The following SDCCAG8 variants were observed in gnomAD, a reference collection of about 807,000 sequenced individuals.
SDCCAG8 encodes the protein serologically defined colon cancer antigen 8.
SDCCAG8 carries 74 observed loss-of-function variants against 101.8 expected under a neutral mutation model. The ratio of observed to expected loss-of-function variants is 0.73; its 90% CI spans 0.60 to 0.88. The LOEUF is 0.88. SDCCAG8 is among the 40% of genes least tolerant of loss of function. The probability of loss-of-function intolerance (pLI) is 0.00; values close to 1 mark genes in which losing one functional copy is unlikely to be tolerated. For synonymous variants in SDCCAG8, 281 were observed against 292.9 expected (o/e 0.96, Z 0.41); for missense variants, 787 against 822.6 (o/e 0.96, Z 0.53).
At chr1:243,270,879 T>C in intron 2 of SDCCAG8, 99 bp from the exon 3 acceptor site, 1 of 855,456 alleles carries the variant, frequency 1.2e-6, no homozygotes, top group Non-Finnish European at 2.0e-6. Context: ...TCTTGATGCA[T>C]AATATATCAG....
chr1:243,347,536 A>C (rs1487611127), intron 12 of SDCCAG8, among the ~76,000 whole-genome samples: 2 of 152,200 alleles, frequency 1.3e-5, no homozygotes, highest in East Asian at 3.8e-4. Context: ...TTTGTACATA[A>C]TGTTTTGATT....
At chr1:243,420,929 A>G (rs1421297784) in intron 15 of SDCCAG8, among the ~76,000 whole-genome samples, 1 of 152,224 alleles carries the variant, frequency 6.6e-6, no homozygotes, top group African/African-American at 2.4e-5. Flanking sequence ...TTATTAATGT[A>G]GTAAACTCTG....
At chr1:243,464,354 T>C (rs910952241) in intron 16 of SDCCAG8, among the ~76,000 whole-genome samples, 15 of 152,186 alleles carry the variant, frequency 9.9e-5, no homozygotes, top group African/African-American at 3.1e-4. Context: ...GGTAATTCTG[T>C]CTAGTATTCA....
At chr1:243,304,100 C>T (rs1463527103) in intron 6 of SDCCAG8, among the ~76,000 whole-genome samples, 1 of 151,974 alleles carries the variant, frequency 6.6e-6, no homozygotes, top group Non-Finnish European at 1.5e-5. Context: ...ACATGGATTT[C>T]CAACTGTACA....
chr1:243,460,736 A>C (rs780453757), intron 16 of SDCCAG8, among the ~76,000 whole-genome samples: 1 of 152,184 alleles, frequency 6.6e-6, no homozygotes, highest in Non-Finnish European at 1.5e-5. Context: ...GGCCACACCA[A>C]TAAGTCCCCA....
chr1:243,261,991 G>A (rs1242817522), intron 1 of SDCCAG8, among the ~76,000 whole-genome samples: 1 of 149,256 alleles, frequency 6.7e-6, no homozygotes, highest in Non-Finnish European at 1.5e-5. Context: ...TGTATTTTTA[G>A]TAGAGACGGG....
At chr1:243,384,845 C>G (rs1343073728) in intron 13 of SDCCAG8, among the ~76,000 whole-genome samples, 1 of 152,176 alleles carries the variant, frequency 6.6e-6, no homozygotes, top group Non-Finnish European at 1.5e-5. Flanking sequence ...CACGTCTAGC[C>G]TAGCATGTAT....
chr1:243,460,188 G>C (rs1325935295), intron 16 of SDCCAG8, among the ~76,000 whole-genome samples: 1 of 152,098 alleles, frequency 6.6e-6, no homozygotes, highest in Non-Finnish European at 1.5e-5. Context: ...AATTTATCAG[G>C]TGTTAATAAT....
At chr1:243,466,681 A>C (rs1660203155) in intron 16 of SDCCAG8, among the ~76,000 whole-genome samples, 1 of 152,260 alleles carries the variant, frequency 6.6e-6, no homozygotes, top group African/African-American at 2.4e-5. Flanking sequence ...CCAGCACAGG[A>C]AGCAGCCTGT....
chr1:243,354,774 G>T (rs1484079526), intron 12 of SDCCAG8, among the ~76,000 whole-genome samples: 1 of 152,196 alleles, frequency 6.6e-6, no homozygotes, highest in Non-Finnish European at 1.5e-5. Context: ...GGTAGTTCTG[G>T]ACACAGATGA....
chr1:243,278,656 T>C (rs1437907408), intron 4 of SDCCAG8, among the ~76,000 whole-genome samples: 1 of 152,222 alleles, frequency 6.6e-6, no homozygotes, highest in Non-Finnish European at 1.5e-5. Flanking sequence ...CACTTATTAG[T>C]TCCAGCATTT....
chr1:243,436,243 G>A (rs934002802), intron 16 of SDCCAG8, among the ~76,000 whole-genome samples: 2 of 151,830 alleles, frequency 1.3e-5, no homozygotes, highest in African/African-American at 4.8e-5. Flanking sequence ...AGCATGGAAG[G>A]GGTCCCGAGC....
intron 16 of SDCCAG8, among the ~76,000 whole-genome samples, chr1:243,447,148 G>T (rs910347737): frequency 4.0e-5 from 6 of 150,518 alleles, no homozygotes; most frequent in African/African-American, 1.5e-4. Context: ...CTACTCCAGA[G>T]GCTGACAGGA....
intron 16 of SDCCAG8, among the ~76,000 whole-genome samples, chr1:243,480,910 G>A (rs1663618448): frequency 6.8e-6 from 1 of 147,744 alleles, no homozygotes. Flanking sequence ...GGATGGGATG[G>A]GATGGGAGAG....
At chr1:243,375,953 G>T (rs922617965) in intron 12 of SDCCAG8, among the ~76,000 whole-genome samples, 7 of 152,144 alleles carry the variant, frequency 4.6e-5, no homozygotes, top group Admixed American at 2.6e-4. Flanking sequence ...GCACCAATAA[G>T]CTCTTTCACT....
At chr1:243,409,984 G>A (rs1408398824) in intron 13 of SDCCAG8, among the ~76,000 whole-genome samples, 1 of 152,152 alleles carries the variant, frequency 6.6e-6, no homozygotes, top group Non-Finnish European at 1.5e-5. Context: ...TGGAGCAAAA[G>A]TATTGTGATT....
intron 6 of SDCCAG8, among the ~76,000 whole-genome samples, chr1:243,300,776 T>C (rs147549368): frequency 8.1e-4 from 124 of 152,360 alleles, no homozygotes; most frequent in African/African-American, 3.0e-3. Context: ...CCTGCCTCTC[T>C]AAATTTTTCA....
intron 13 of SDCCAG8, among the ~76,000 whole-genome samples, chr1:243,405,323 A>G (rs1404070433): frequency 1.8e-4 from 27 of 152,366 alleles, no homozygotes; most frequent in Non-Finnish European, 5.9e-5. Flanking sequence ...TAAAAAGCAA[A>G]AAGGAAAAAA....
At chr1:243,263,031 C>T (rs77599560) in intron 1 of SDCCAG8, among the ~76,000 whole-genome samples, 7 of 152,178 alleles carry the variant, frequency 4.6e-5, no homozygotes, top group Non-Finnish European at 7.3e-5. Context: ...ATGGCACTGT[C>T]GGTCTCAGGC....
Sources: allele counts gnomAD v4.1 joint callset (sites outside exome capture counted in the v4.1 genomes callset), GRCh38; gene constraint gnomAD v4.1.1; transcripts MANE v1.5; gene names NCBI Gene and HGNC (gene_info 2026-07-23, HGNC 2026-07-21).